The following HBS1L variants were observed in gnomAD, a reference collection of about 807,000 sequenced individuals.
HBS1L encodes HBS1-like protein.
HBS1L carries 55 observed loss-of-function variants against 88.9 expected under a neutral mutation model. That is an observed-to-expected ratio of 0.62 (90% CI 0.50 to 0.77). The LOEUF is 0.77. HBS1L is among the 30% of genes least tolerant of loss of function. The pLI is 0.00. For missense variants in HBS1L, 741 were observed against 829.3 expected (o/e 0.89, Z 1.31); for synonymous variants, 267 against 288.5 (o/e 0.93, Z 0.76).
At chr6:135,033,239 C>G (rs980567337) in intron 4 of HBS1L, among the ~76,000 whole-genome samples, 7 of 152,160 alleles carry the variant, frequency 4.6e-5, no homozygotes, top group African/African-American at 1.7e-4. Context: ...TTAAAATTTA[C>G]AGCTGAACTG....
Position 134,966,360 on chromosome 6 carries a change from C to G in HBS1L, c.2012G>C (p.Gly671Ala). Residue 671 changes from glycine to alanine, a missense_variant, in exon 17 of 18, where the codon GGT (glycine) becomes GCT (alanine). Around this residue, in one of 3 missense-constraint regions of HBS1L, gnomAD observed 181 missense variants for 212.7 expected, o/e 0.85. Transcript: ENST00000367837. Reference sequence around the variant, plus strand: ...GACAACACCAGCAGCTATTGTAGAACCACCGTAACGTAGCATGAACCTCCC... The same window carrying G: ...GACAACACCAGCAGCTATTGTAGAAGCACCGTAACGTAGCATGAACCTCCC... ...ELGRFMLRYG[G>A]STIAAGVVTE... 1 of 1,612,280 alleles carries G rather than the reference C, an allele frequency of 6.2e-7. No homozygotes were observed. Among genetic ancestry groups the G allele is most frequent in the Non-Finnish European group, 8.5e-7 (1 of 1,179,042 alleles).
rs552746389 is a variant in HBS1L, at chr6:135,035,668, G to A, written c.430+3905C>T. 6.6e-4 allele frequency among the ~76,000 whole-genome samples: 99 copies of A among 149,030 alleles called. 1 individual carries two copies. The East Asian group carries it at 0.019, about 28-fold the overall frequency. On this transcript the variant is annotated intron_variant, in intron 4 of 17. Transcript: ENST00000367837. ...CTGGAGGCTGAGGCAGGAGAATGGC[G>A]TGAACCTGGGAGGCGGAGCTTGCAG...
intron 7 of HBS1L, among the ~76,000 whole-genome samples, chr6:134,995,309 T>C (rs1033761218): frequency 6.6e-6 from 1 of 152,080 alleles, no homozygotes; most frequent in African/African-American, 2.4e-5. Context: ...AAGCAACATA[T>C]TACATTTTGT....
intron 4 of HBS1L, among the ~76,000 whole-genome samples, chr6:135,019,982 A>C (rs1042454066): frequency 3.3e-5 from 5 of 151,934 alleles, no homozygotes; most frequent in African/African-American, 1.2e-4. Flanking sequence ...AAAATGAAAA[A>C]TATAATAGGC....
At position 134,966,444 on chromosome 6, in the gene HBS1L, A is replaced by G. The variant is rs531868917; in HGVS notation, c.1928T>C (p.Val643Ala). Reference sequence around the variant, plus strand: ...TATTGGTCTTTGTGTCTGTAGCTCTACCAATGCATTCTGGCCTTTAGTCAA... The same window carrying G: ...TATTGGTCTTTGTGTCTGTAGCTCTGCCAATGCATTCTGGCCTTTAGTCAA... ...KFLTKGQNALVELQTQRPIAL... is the reference protein window; with the variant it reads ...KFLTKGQNALAELQTQRPIAL... Residue 643 changes from valine to alanine, a missense_variant, in exon 17 of 18, where the codon GTA becomes GCA. This residue lies in a region of HBS1L where 181 missense variants were observed against 212.7 expected (regional missense o/e 0.85). Transcript: ENST00000367837. The G allele has an allele frequency of 6.2e-6, 10 of 1,607,924 alleles. No individual in the cohort carries two copies. In the African/African-American group the frequency reaches 1.2e-4, roughly 19 times the overall value.
At chr6:134,979,440 T>C (rs772375750) in intron 13 of HBS1L, 172 bp from the exon 14 acceptor site, 25 of 570,204 alleles carry the variant, frequency 4.4e-5, no homozygotes, top group Non-Finnish European at 7.0e-5. Context: ...ACACTTCCTC[T>C]AGAACTGACT....
intron 8 of HBS1L, among the ~76,000 whole-genome samples, chr6:134,989,144 T>A (rs1261737122): frequency 1.3e-5 from 2 of 152,262 alleles, no homozygotes; most frequent in Admixed American, 6.5e-5. Context: ...TTGCGTCATG[T>A]GGATGCAGCC....
chr6:135,049,286 C>T (rs780244721), intron 2 of HBS1L, among the ~76,000 whole-genome samples: 17 of 151,954 alleles, frequency 1.1e-4, no homozygotes, highest in Non-Finnish European at 2.4e-4. Context: ...CTCCTTGGGA[C>T]CTCTTTCACT....
At chr6:134,999,533 C>G (rs781546968) in intron 5 of HBS1L, among the ~76,000 whole-genome samples, 1 of 149,682 alleles carries the variant, frequency 6.7e-6, no homozygotes, top group South Asian at 2.1e-4. Flanking sequence ...CTGCAACCTC[C>G]GCCTCCCAGG....
intron 4 of HBS1L, chr6:135,036,200 G>A (rs929860102): frequency 1.3e-5 from 12 of 918,782 alleles, no homozygotes; most frequent in South Asian, 5.0e-5. Context: ...TGGCATTTTC[G>A]TTTAAGAACA....
At chr6:135,046,725 G>A (rs539972331) in intron 2 of HBS1L, among the ~76,000 whole-genome samples, 18 of 152,068 alleles carry the variant, frequency 1.2e-4, no homozygotes, top group Non-Finnish European at 1.8e-4. Flanking sequence ...AAATATACAC[G>A]TGCTGATGAA....
chr6:135,043,830 C>CA (rs1776828380), intron 2 of HBS1L, among the ~76,000 whole-genome samples: 1 of 152,130 alleles, frequency 6.6e-6, no homozygotes, highest in South Asian at 2.1e-4. Context: ...TTCCTTAAAA[C>CA]AAATTAGCTC....
At chr6:135,002,677 G>C in intron 5 of HBS1L, 57 bp downstream of exon 5, 1 of 828,526 alleles carries the variant, frequency 1.2e-6, no homozygotes, top group Non-Finnish European at 1.9e-6. Context: ...AGAAGCAACA[G>C]TGATTTCAAA....
chr6:134,973,035 A>C (rs2114753079), intron 15 of HBS1L, among the ~76,000 whole-genome samples: 1 of 152,360 alleles, frequency 6.6e-6, no homozygotes, highest in East Asian at 1.9e-4. Context: ...ATGGTTTAGC[A>C]GTTCCTCAAA....
intron 4 of HBS1L, among the ~76,000 whole-genome samples, chr6:135,018,243 C>T (rs1775977775): frequency 6.6e-6 from 1 of 151,878 alleles, no homozygotes; most frequent in African/African-American, 2.4e-5. Context: ...GAAAGTACAC[C>T]ACCTCGGCTA....
chr6:135,025,566 G>T (rs117414265), intron 4 of HBS1L, among the ~76,000 whole-genome samples: 1 of 152,076 alleles, frequency 6.6e-6, no homozygotes, highest in South Asian at 2.1e-4. Context: ...CAGCAAGTTC[G>T]AGAGTACAAG....
At chr6:134,980,456 T>C (rs1774796423) in intron 13 of HBS1L, among the ~76,000 whole-genome samples, 1 of 152,064 alleles carries the variant, frequency 6.6e-6, no homozygotes, top group Non-Finnish European at 1.5e-5. Context: ...AATTTTAAAA[T>C]GTAAATTTAG....
In HBS1L at chr6:134,997,552, G is replaced by A; in HGVS notation, c.644C>T (p.Ser215Phe). The stretch of plus-strand genomic sequence containing the variant: ...TTGAATCGTGTGGGGTGGATTAGCA[G>A]ATTTAGAAGCAGTCTCAAGAACATC... Reference protein sequence around the residue: ...SSDVLETASKSANPPHTIQAS... With the variant: ...SSDVLETASKFANPPHTIQAS... The change falls in exon 6 of 18, where the codon TCT becomes TTT. Residue 215 changes from serine to phenylalanine, a missense_variant. This residue lies in a region of HBS1L where 556 missense variants were observed against 598.4 expected (regional missense o/e 0.93). Coordinates refer to ENST00000367837, the MANE Select transcript of HBS1L (RefSeq NM_006620.4). The A allele has an allele frequency of 6.2e-7, 1 of 1,614,102 alleles. No homozygotes were observed. Among genetic ancestry groups the A allele is most frequent in the Non-Finnish European group, 8.5e-7 (1 of 1,179,990 alleles).
chr6:135,040,341 A>ATTTTTTT, intron 3 of HBS1L, among the ~76,000 whole-genome samples: 2 of 103,866 alleles, frequency 1.9e-5, no homozygotes, highest in African/African-American at 7.6e-5. Context: ...GAGGATAGGC[A>ATTTTTTT]TTCTTTTTTT....
Sources: allele counts gnomAD v4.1 joint callset (sites outside exome capture counted in the v4.1 genomes callset), GRCh38; gene constraint gnomAD v4.1.1; regional missense constraint gnomAD v4.1.1; transcripts MANE v1.5; gene names NCBI Gene and HGNC (gene_info 2026-07-23, HGNC 2026-07-21).